The following GALNT17 variants were observed in gnomAD, a reference collection of about 807,000 sequenced individuals.
GALNT17 encodes UDP-GalNAc:polypeptide N-acetylgalactosaminyltransferase-like 3.
GALNT17 carries 29 observed loss-of-function variants against 63.7 expected under a neutral mutation model. The ratio of observed to expected loss-of-function variants is 0.46; its 90% CI spans 0.34 to 0.62. The LOEUF is 0.62. Ranked by LOEUF, GALNT17 falls within the 20% of genes least tolerant of loss-of-function variation. GALNT17 has a pLI of 0.01. For synonymous variants in GALNT17, 305 were observed against 318.3 expected (o/e 0.96, Z 0.45); for missense variants, 603 against 799.6 (o/e 0.75, Z 2.97).
At chr7:71,546,054 G>T (rs1788978125) in intron 5 of GALNT17, among the ~76,000 whole-genome samples, 1 of 151,992 alleles carries the variant, frequency 6.6e-6, no homozygotes, top group Non-Finnish European at 1.5e-5. Flanking sequence ...GAGCCCAGGA[G>T]TTTAAGACCA....
chr7:71,445,453 TC>T lies in GALNT17; in HGVS notation c.962+24351del, dbSNP rs550059521. Reference sequence around the variant, plus strand: ...CTCAGGTGATTCACCCACCTTGGCCTCCCAAAGTGCTGGGATTACACGTGTG... The same window carrying T: ...CTCAGGTGATTCACCCACCTTGGCCTCCAAAGTGCTGGGATTACACGTGTG... On this transcript the variant is annotated intron_variant, in intron 5 of 10. Transcript: ENST00000333538. Among the ~76,000 whole-genome samples the T allele has an allele frequency of 2.6e-5, 4 of 151,988 alleles. No homozygotes were observed. The East Asian group carries it at 7.8e-4, about 29-fold the overall frequency.
chr7:71,558,812 G>A (rs376986397), intron 5 of GALNT17, among the ~76,000 whole-genome samples: 51 of 152,236 alleles, frequency 3.4e-4, no homozygotes, highest in African/African-American at 1.2e-3. Context: ...AGGGAGTTTC[G>A]ATGTGGATCT....
chr7:71,190,732 A>G (rs1788935838), intron 1 of GALNT17, among the ~76,000 whole-genome samples: 1 of 152,092 alleles, frequency 6.6e-6, no homozygotes, highest in Non-Finnish European at 1.5e-5. Context: ...CCTGGGCTCA[A>G]GTGATCCTCC....
At chr7:71,502,314 C>A (rs1026092203) in intron 5 of GALNT17, among the ~76,000 whole-genome samples, 1 of 152,182 alleles carries the variant, frequency 6.6e-6, no homozygotes, top group Non-Finnish European at 1.5e-5. Flanking sequence ...TTGACACTTT[C>A]TCCACTGAGA....
chr7:71,616,498 A>G (rs1422236989), intron 6 of GALNT17, among the ~76,000 whole-genome samples: 1 of 147,348 alleles, frequency 6.8e-6, no homozygotes, highest in Non-Finnish European at 1.5e-5. Context: ...CTAATAACTA[A>G]TATATAAATA....
chr7:71,246,698 G>A (rs1044665843), intron 1 of GALNT17, among the ~76,000 whole-genome samples: 1 of 151,694 alleles, frequency 6.6e-6, no homozygotes, highest in Admixed American at 6.6e-5. Context: ...GGCATGTGGC[G>A]GGCGCCTGTA....
intron 2 of GALNT17, among the ~76,000 whole-genome samples, chr7:71,336,384 CAT>C (rs1463734991): frequency 1.3e-5 from 2 of 152,080 alleles, no homozygotes; most frequent in Admixed American, 1.3e-4. Context: ...TTCAGGGGAA[CAT>C]GTGTAGGTTT....
At chr7:71,172,093 T>C (rs1382895043) in intron 1 of GALNT17, among the ~76,000 whole-genome samples, 3 of 151,954 alleles carry the variant, frequency 2.0e-5, no homozygotes, top group Non-Finnish European at 4.4e-5. Context: ...ATAGGACAGA[T>C]GGGAAACAGA....
intron 5 of GALNT17, among the ~76,000 whole-genome samples, chr7:71,525,247 C>T (rs1478085891): frequency 1.3e-5 from 2 of 152,180 alleles, no homozygotes; most frequent in Admixed American, 1.3e-4. Flanking sequence ...GTGATCGCTG[C>T]TCACTGCAAC....
intron 6 of GALNT17, among the ~76,000 whole-genome samples, chr7:71,633,734 A>G (rs1284766837): frequency 6.6e-6 from 1 of 152,240 alleles, no homozygotes; most frequent in Non-Finnish European, 1.5e-5. Context: ...CCAGAGAGGA[A>G]ATGAGTCATC....
rs768239622 is a variant in GALNT17, at chr7:71,218,577, C to T, written c.238+85537C>T. Among the ~76,000 whole-genome samples, 237 of 152,200 alleles carry T rather than the reference C, an allele frequency of 1.6e-3. 2 individuals carry two copies. Among genetic ancestry groups the T allele is most frequent in the Middle Eastern group, 3.4e-3 (1 of 294 alleles). The stretch of plus-strand genomic sequence containing the variant: ...GGGTCCCCAACCCCTGGGCCACAAA[C>T]TGGTCTGTGGCCTGTTAGGAACCTG... On this transcript the variant is annotated intron_variant, in intron 1 of 10. Transcript: ENST00000333538.
intron 3 of GALNT17, among the ~76,000 whole-genome samples, chr7:71,392,813 CTA>C (rs1266323345): frequency 1.4e-4 from 21 of 148,608 alleles, no homozygotes; most frequent in African/African-American, 5.1e-4. Flanking sequence ...GTTCTGTTCT[CTA>C]TGTTTTTTCC....
intron 1 of GALNT17, among the ~76,000 whole-genome samples, chr7:71,327,980 T>G (rs1791732890): frequency 6.6e-6 from 1 of 152,184 alleles, no homozygotes; most frequent in African/African-American, 2.4e-5. Context: ...CTCCTATTGG[T>G]TCATCTCAAC....
chr7:71,364,305 T>TA (rs1266670174), intron 2 of GALNT17, among the ~76,000 whole-genome samples: 1 of 152,180 alleles, frequency 6.6e-6, no homozygotes, highest in African/African-American at 2.4e-5. Flanking sequence ...TCTTGGCATG[T>TA]AGGATCTTGG....
At chr7:71,410,357 C>T (rs922403728) in intron 3 of GALNT17, among the ~76,000 whole-genome samples, 1 of 152,022 alleles carries the variant, frequency 6.6e-6, no homozygotes, top group East Asian at 1.9e-4. Flanking sequence ...GGGATTCTCC[C>T]ACCTCAGGCT....
intron 2 of GALNT17, among the ~76,000 whole-genome samples, chr7:71,376,270 A>G (rs1425250285): frequency 6.6e-6 from 1 of 151,766 alleles, no homozygotes; most frequent in Non-Finnish European, 1.5e-5. Context: ...ATTGAATACT[A>G]TGTAAGAATA....
At chr7:71,168,920 T>A (rs1234733952) in intron 1 of GALNT17, among the ~76,000 whole-genome samples, 2 of 152,174 alleles carry the variant, frequency 1.3e-5, no homozygotes, top group African/African-American at 4.8e-5. Context: ...TTGAATTTGA[T>A]TGCTGACATT....
chr7:71,296,150 A>G (rs1410817723), intron 1 of GALNT17, among the ~76,000 whole-genome samples: 1 of 152,094 alleles, frequency 6.6e-6, no homozygotes, highest in African/African-American at 2.4e-5. Context: ...GTTTGTCTTT[A>G]TCATCACCAT....
intron 1 of GALNT17, among the ~76,000 whole-genome samples, chr7:71,329,931 G>A (rs28838901): frequency 1.5e-3 from 44 of 29,698 alleles, no homozygotes; most frequent in Non-Finnish European, 3.1e-3. Flanking sequence ...GTGTGTGTGT[G>A]TATATATATA....
Sources: gnomAD v4.1 joint callset for allele counts (sites outside exome capture counted in the v4.1 genomes callset) on GRCh38, gnomAD v4.1.1 for gene constraint, MANE v1.5 for transcripts, NCBI Gene and HGNC (gene_info 2026-07-23, HGNC 2026-07-21) for gene names.